Variants in LEO1 observed in about 807,000 individuals in gnomAD.
LEO1 encodes the protein RNA polymerase-associated protein LEO1.
In LEO1, 34 loss-of-function variants were observed where a neutral mutation model predicts 80.4. The observed-to-expected ratio is 0.42, with a 90% CI of 0.32 to 0.56. The LOEUF is 0.56. LEO1 is among the 20% of genes least tolerant of loss of function. The pLI is 0.10. For synonymous variants in LEO1, 262 were observed against 274.9 expected (o/e 0.95, Z 0.46); for missense variants, 631 against 814.2 (o/e 0.77, Z 2.74).
chr15:51,949,838 T>C lies in LEO1; in HGVS notation c.1768A>G (p.Ile590Val). The C allele has an allele frequency of 1.9e-6, 3 of 1,613,858 alleles. No individual in the cohort carries two copies. Among genetic ancestry groups the C allele is most frequent in the Non-Finnish European group, 2.5e-6 (3 of 1,180,008 alleles). The change falls in exon 10 of 12, where the codon ATT becomes GTT. Residue 590 changes from isoleucine (I) to valine (V), a missense_variant. Ile to Val is a conservative substitution (Grantham distance 29, BLOSUM62 3). Around this residue, in one of 4 missense-constraint regions of LEO1, gnomAD observed 117 missense variants for 163.5 expected, o/e 0.72. Coordinates refer to ENST00000299601, the MANE Select transcript of LEO1 (RefSeq NM_138792.4). ...EGEESISLAA[I>V]KNRYKGGIRE... Reference sequence around the variant, plus strand: ...ATGCCCCCTTTATATCGGTTTTTAATGGCAGCCAAGCTGATGGACTCCTCG... The same window carrying C: ...ATGCCCCCTTTATATCGGTTTTTAACGGCAGCCAAGCTGATGGACTCCTCG...
intron 11 of LEO1, among the ~76,000 whole-genome samples, chr15:51,943,364 G>A (rs1410959387): frequency 1.3e-4 from 20 of 151,226 alleles, no homozygotes; most frequent in Admixed American, 8.6e-4. Flanking sequence ...GGGCGACAGT[G>A]TGAAAATCCA....
chr15:51,968,919 T>C (rs1016571305), intron 1 of LEO1, among the ~76,000 whole-genome samples: 2 of 152,148 alleles, frequency 1.3e-5, no homozygotes, highest in African/African-American at 4.8e-5. Context: ...ATCCAAAATA[T>C]ACAAAGAACA....
intron 1 of LEO1, among the ~76,000 whole-genome samples, chr15:51,968,728 C>CT (rs1016187909): frequency 8.6e-5 from 13 of 151,608 alleles, no homozygotes; most frequent in African/African-American, 3.2e-4. Context: ...ACTTGGGAGG[C>CT]TGAAGCAGAA....
intron 1 of LEO1, among the ~76,000 whole-genome samples, chr15:51,966,830 G>C (rs559172987): frequency 3.4e-4 from 51 of 152,056 alleles, no homozygotes; most frequent in African/African-American, 1.1e-3. Flanking sequence ...AGAATCACTT[G>C]AACCCGGGAG....
rs1021538642 is a variant in LEO1 at position 51,962,615 on chromosome 15, G to A, written c.815-122C>T. 8 of 636,894 alleles carry A rather than the reference G, an allele frequency of 1.3e-5. No homozygotes were observed. In the African/African-American group the frequency reaches 1.5e-4, roughly 12 times the overall value. The allele number at this position is 636,894 out of a possible 1,614,324, so 39.5% of individuals were successfully genotyped here. A position where few individuals can be genotyped will look rare whatever the true frequency, so the allele number is the denominator to read the frequency against. ...TGGACTACTACTCAGCAATAAAGAG[G>A]AATGAACTGCTGATACATGTAACCA... On this transcript the variant is annotated intron_variant, in intron 2 of 11. Transcript: ENST00000299601.
intron 2 of LEO1, among the ~76,000 whole-genome samples, chr15:51,964,062 C>T (rs1423874360): frequency 6.6e-6 from 1 of 151,648 alleles, no homozygotes; most frequent in Non-Finnish European, 1.5e-5. Context: ...AAAAATTAGC[C>T]GGGCGTGGTG....
intron 4 of LEO1, among the ~76,000 whole-genome samples, 184 bp downstream of exon 4, chr15:51,960,455 T>G (rs1299810137): frequency 6.6e-6 from 1 of 152,216 alleles, no homozygotes; most frequent in African/African-American, 2.4e-5. Context: ...AACCTCATGT[T>G]TGGCAGTTAT....
At chr15:51,952,997 C>T in intron 8 of LEO1, 132 bp downstream of exon 8, 1 of 726,172 alleles carries the variant, frequency 1.4e-6, no homozygotes, top group African/African-American at 1.8e-5. Flanking sequence ...ACCTTCAGAA[C>T]TATGCACAAG....
chr15:51,940,462 G>C (rs1798119391), intron 11 of LEO1, among the ~76,000 whole-genome samples: 2 of 151,572 alleles, frequency 1.3e-5, no homozygotes, highest in Admixed American at 1.3e-4. Flanking sequence ...TTGGGAGGCT[G>C]AGGCAAGGGA....
At position 51,955,229 on chromosome 15, in the gene LEO1, C is replaced by T. The variant is rs369282982; in HGVS notation, c.1246-654G>A. Among the ~76,000 whole-genome samples the T allele has an allele frequency of 5.3e-4, 81 of 152,246 alleles. 1 individual carries two copies. The highest frequency in any genetic ancestry group is 3.4e-3 in the Middle Eastern group (1 of 292). ...CTGGGATTACAGGCGTGAGCCACCA[C>T]GCCCGGCCGAGGAAGAAATTTTGAA... On this transcript the variant is annotated intron_variant, in intron 6 of 11. Coordinates refer to ENST00000299601, the MANE Select transcript of LEO1 (RefSeq NM_138792.4).
At chr15:51,942,110 GCA>G (rs2056857665) in intron 11 of LEO1, among the ~76,000 whole-genome samples, 1 of 152,180 alleles carries the variant, frequency 6.6e-6, no homozygotes, top group East Asian at 1.9e-4. Context: ...AGTGTGCAAA[GCA>G]CAGAGAGGGA....
At chr15:51,945,696 G>A (rs1472133786) in intron 11 of LEO1, among the ~76,000 whole-genome samples, 1 of 152,022 alleles carries the variant, frequency 6.6e-6, no homozygotes, top group East Asian at 1.9e-4. Context: ...AAATTTCTCA[G>A]TATCTCCACA....
chr15:51,966,087 A>T lies in LEO1; in HGVS notation c.476T>A (p.Ile159Lys). The stretch of plus-strand genomic sequence containing the variant: ...CCTCTCCTCATCATCAGAATTTTGT[A>T]TCTTTTCATCATCTGACTGGTCACT... ...DKSDQSDDEK[I>K]QNSDDEERAQ... The change falls in exon 2 of 12, where the codon ATA becomes AAA. Residue 159 changes from isoleucine to lysine, a missense_variant. Transcript: ENST00000299601. 6.2e-7 allele frequency: 1 copy of T among 1,613,980 alleles called. No individual in the cohort carries two copies. The highest frequency in any genetic ancestry group is 2.2e-5 in the East Asian group (1 of 44,886).
At chr15:51,970,934 CAGTG>C (rs1370614590) in intron 1 of LEO1, among the ~76,000 whole-genome samples, 1 of 152,162 alleles carries the variant, frequency 6.6e-6, no homozygotes, top group East Asian at 1.9e-4. Flanking sequence ...CTGAGCAACA[CAGTG>C]AGACCCTGTC....
Position 51,938,317 on chromosome 15 carries a change from G to A in LEO1, c.1897-57C>T, listed in dbSNP as rs867282873. 27 of 1,069,280 alleles carry A rather than the reference G, an allele frequency of 2.5e-5. No homozygotes were observed. The African/African-American group carries it at 3.8e-4, about 15-fold the overall frequency. 66.2% of individuals were successfully genotyped at this position (1,069,280 alleles called of 1,614,324 possible). A position where few individuals can be genotyped will look rare whatever the true frequency, so the allele number is the denominator to read the frequency against. ...GTCAATAAAGAACATTTTTAGGATG[G>A]TTTATGAAAAGTAGCTATGAGCTGA... On this transcript the variant is annotated intron_variant, in intron 11 of 11. Transcript: ENST00000299601.
chr15:51,951,713 C>A, intron 9 of LEO1, 131 bp downstream of exon 9: 1 of 738,198 alleles, frequency 1.4e-6, no homozygotes, highest in Non-Finnish European at 2.2e-6. Flanking sequence ...GGAAATGAAT[C>A]CAGCTCCCTA....
chr15:51,952,883 A>G (rs1386424205), intron 8 of LEO1, among the ~76,000 whole-genome samples: 3 of 152,246 alleles, frequency 2.0e-5, no homozygotes, highest in Non-Finnish European at 4.4e-5. Context: ...AATTAAATAC[A>G]TTGACATTCT....
intron 11 of LEO1, among the ~76,000 whole-genome samples, chr15:51,940,090 C>A (rs971935210): frequency 3.3e-5 from 5 of 151,456 alleles, no homozygotes; most frequent in African/African-American, 1.2e-4. Context: ...CCCGTCTCTA[C>A]TAAAAATACA....
chr15:51,962,240 A>G (rs759656794), intron 3 of LEO1, 149 bp downstream of exon 3: 3 of 471,430 alleles, frequency 6.4e-6, no homozygotes, highest in Admixed American at 3.9e-5. Context: ...TCATAGCTAT[A>G]TAACTTCTCT....
Sources: gnomAD v4.1 joint callset for allele counts (sites outside exome capture counted in the v4.1 genomes callset) on GRCh38, gnomAD v4.1.1 for gene constraint, gnomAD v4.1.1 regional missense constraint, MANE v1.5 for transcripts, NCBI Gene and HGNC (gene_info 2026-07-23, HGNC 2026-07-21) for gene names.